EML5: variants seen among roughly 807,000 people sequenced by gnomAD.
EML5 encodes the protein echinoderm microtubule-associated protein-like 5.
A neutral mutation model predicts 250.0 loss-of-function variants in EML5; 120 were observed. The ratio of observed to expected loss-of-function variants is 0.48; its 90% confidence interval spans 0.41 to 0.56. EML5 has a LOEUF of 0.56. Among genes scored for constraint, EML5 ranks in the 20% least tolerant of loss-of-function variants. The pLI is 0.00. For synonymous variants in EML5, 771 were observed against 806.5 expected (o/e 0.96, Z 0.75); for missense variants, 2,006 against 2,437.6 (o/e 0.82, Z 3.73).
intron 17 of EML5, among the ~76,000 whole-genome samples, 154 bp downstream of exon 17, chr14:88,694,153 C>T (rs1294857625): frequency 1.3e-5 from 2 of 152,094 alleles, no homozygotes. Context: ...ATTAAATGAA[C>T]TCAAGACTTC....
intron 28 of EML5, among the ~76,000 whole-genome samples, chr14:88,648,823 G>A (rs576706498): frequency 6.6e-6 from 1 of 152,174 alleles, no homozygotes; most frequent in East Asian, 1.9e-4. Flanking sequence ...TGGTAAAATA[G>A]TATAAGATTT....
In EML5 at chr14:88,740,515, C is replaced by T; in HGVS notation, c.583G>A (p.Gly195Ser). The T allele has an allele frequency of 6.2e-7, 1 of 1,613,586 alleles. No individual in the cohort carries two copies. ...AGGCACAGTATTGTCTGAAGGTCAC[C>T]CGTCTTACCAAAGACACCTCGTTTT... ...TPKRGVFGKTGDLQTILCLAC... is the reference protein window; with the variant it reads ...TPKRGVFGKTSDLQTILCLAC... Residue 195 changes from glycine (G) to serine (S), a missense_variant, in exon 5 of 44, where the codon GGT (glycine) becomes AGT (serine). This residue lies in a region of EML5 where 1,375 missense variants were observed against 1,590.3 expected (regional missense o/e 0.86). Coordinates refer to ENST00000554922, the MANE Select transcript of EML5 (RefSeq NM_183387.3).
chr14:88,719,316 T>C (rs1019508556), intron 8 of EML5, among the ~76,000 whole-genome samples: 6 of 145,804 alleles, frequency 4.1e-5, no homozygotes, highest in African/African-American at 1.5e-4. Context: ...AGCCCAGGAG[T>C]TCGAGGCTGC....
At chr14:88,641,357 CACAAAACATCATTCCCAT>C (rs1263797961) in intron 31 of EML5, among the ~76,000 whole-genome samples, 2 of 152,010 alleles carry the variant, frequency 1.3e-5, no homozygotes, top group Non-Finnish European at 2.9e-5. Context: ...AAACATCCCA[CACAAAACATCATTCCCAT>C]ACAAAACATC....
intron 2 of EML5, among the ~76,000 whole-genome samples, chr14:88,746,556 C>T (rs1595756573): frequency 1.3e-5 from 2 of 151,968 alleles, no homozygotes; most frequent in South Asian, 4.1e-4. Context: ...CTACCAAAAA[C>T]TAAAAATACT....
chr14:88,644,646 G>A, intron 29 of EML5, 135 bp from the exon 30 acceptor site: 1 of 622,620 alleles, frequency 1.6e-6, no homozygotes, highest in Non-Finnish European at 2.8e-6. Flanking sequence ...CCACTAGACT[G>A]CCCTCTTCAT....
chr14:88,685,471 TAATTC>T lies in EML5; in HGVS notation c.2855-334_2855-330del, dbSNP rs548026806. On this transcript the variant is annotated intron_variant, in intron 19 of 43. Coordinates refer to ENST00000554922, the MANE Select transcript of EML5 (RefSeq NM_183387.3). ...TTTACAATATTCTTATTAGTAATTT[TAATTC>T]AATTCAAGATATATAGTCAGCCCTC... 6.0e-4 allele frequency among the ~76,000 whole-genome samples: 92 copies of T among 152,342 alleles called. 1 individual carries two copies. The East Asian group carries it at 0.016, about 26-fold the overall frequency.
Position 88,663,076 on chromosome 14 carries a change from G to T in EML5, c.3453C>A (p.Phe1151Leu). Residue 1151 changes from phenylalanine (F) to leucine (L), a missense_variant, in exon 24 of 44, where the codon TTC becomes TTA. Phe to Leu is a conservative substitution (Grantham distance 22). Transcript: ENST00000554922. ...QVNTGAKEQL[F>L]FEAPRGKKQT... ...GTTTTTTCCCTCTGGGAGCTTCAAAGAATAATTGTTCCTTAGCACCAGTGT... is the reference window on the plus strand; with the variant it reads ...GTTTTTTCCCTCTGGGAGCTTCAAATAATAATTGTTCCTTAGCACCAGTGT... 2.6e-6 allele frequency: 4 copies of T among 1,553,890 alleles called. No homozygotes were observed. The highest frequency in any genetic ancestry group is 1.7e-6 in the Non-Finnish European group (2 of 1,147,954).
chr14:88,732,306 C>T (rs192519797), intron 7 of EML5, among the ~76,000 whole-genome samples: 1 of 152,116 alleles, frequency 6.6e-6, no homozygotes, highest in African/African-American at 2.4e-5. Context: ...TTCCCAGCAC[C>T]ATTTATTAAA....
chr14:88,728,157 A>G (rs1011266303), intron 7 of EML5, among the ~76,000 whole-genome samples: 7 of 152,044 alleles, frequency 4.6e-5, no homozygotes, highest in African/African-American at 1.4e-4. Context: ...AGGAAAATGT[A>G]GTTAGGCCTA....
chr14:88,726,598 T>C lies in EML5; in HGVS notation c.1130A>G (p.Asp377Gly), dbSNP rs1436513025. ...CATTCCAAGGGCAAGATGGATTCCA[T>C]CTGCATTGACAGCTGCACAACGAAT... Reference protein sequence around the residue: ...EPIRCAAVNADGIHLALGMKD... With the variant: ...EPIRCAAVNAGGIHLALGMKD... Residue 377 changes from aspartate (D) to glycine (G), a missense_variant, in exon 8 of 44, where the codon GAT becomes GGT. Coordinates refer to ENST00000554922, the MANE Select transcript of EML5 (RefSeq NM_183387.3). The C allele has an allele frequency of 1.9e-6, 3 of 1,596,266 alleles. No homozygotes were observed. The highest frequency in any genetic ancestry group is 3.4e-5 in the Admixed American group (2 of 58,002).
Position 88,678,392 on chromosome 14 carries a change from C to T in EML5, c.3124+3498G>A, listed in dbSNP as rs1381261291. On this transcript the variant is annotated intron_variant, in intron 21 of 43. Coordinates refer to ENST00000554922, the MANE Select transcript of EML5 (RefSeq NM_183387.3). Reference sequence around the variant, plus strand: ...CAACAAGCCATCATGGCACACGTTTCCCTATGTGACAAACCTGCACATCCT... The same window carrying T: ...CAACAAGCCATCATGGCACACGTTTTCCTATGTGACAAACCTGCACATCCT... Among the ~76,000 whole-genome samples, 17 of 152,022 alleles carry T rather than the reference C, an allele frequency of 1.1e-4. 1 individual carries two copies. The highest frequency in any genetic ancestry group is 1.1e-3 in the Admixed American group (17 of 15,266).
chr14:88,624,698 C>T (rs1463414912), intron 36 of EML5: 4 of 381,270 alleles, frequency 1.0e-5, no homozygotes. Flanking sequence ...CACAGGCATA[C>T]AGACATTAAG....
chr14:88,659,638 T>C (rs1242525758), intron 25 of EML5, among the ~76,000 whole-genome samples: 4 of 151,466 alleles, frequency 2.6e-5, no homozygotes, highest in Admixed American at 6.6e-5. Context: ...TGCAGATCAA[T>C]ATTCCAGAAC....
In EML5 at chr14:88,688,370, T is replaced by C; in HGVS notation, c.2643A>G (p.Gly881=). ...YGWTEEMAFS[G]TSTGDVCIWR... ...AGATACACACATCTCCTGTGGATGT[T>C]CCAGAAAAAGCCATCTCTTCAGTCC... is the stretch of plus-strand genomic sequence containing the variant. The change falls in exon 18 of 44, where the codon GGA becomes GGG. Residue 881 remains glycine, a synonymous_variant. Coordinates refer to ENST00000554922, the MANE Select transcript of EML5 (RefSeq NM_183387.3). 1 of 1,614,016 alleles carries C rather than the reference T, an allele frequency of 6.2e-7. No individual in the cohort carries two copies.
intron 31 of EML5, among the ~76,000 whole-genome samples, chr14:88,642,599 C>T (rs937179475): frequency 1.2e-4 from 19 of 152,114 alleles, no homozygotes; most frequent in African/African-American, 2.9e-4. Flanking sequence ...AAGTTACAAA[C>T]GGTTTCAACA....
At position 88,726,598 on chromosome 14, in the gene EML5, T is replaced by A; in HGVS notation, c.1130A>T (p.Asp377Val). ...CATTCCAAGGGCAAGATGGATTCCATCTGCATTGACAGCTGCACAACGAAT... is the reference window on the plus strand; with the variant it reads ...CATTCCAAGGGCAAGATGGATTCCAACTGCATTGACAGCTGCACAACGAAT... ...EPIRCAAVNA[D>V]GIHLALGMKD... Residue 377 changes from aspartate to valine, a missense_variant, in exon 8 of 44, where the codon GAT (aspartate) becomes GTT (valine). Asp to Val is a radical substitution (Grantham distance 152). Around this residue, in one of 7 missense-constraint regions of EML5, gnomAD observed 1,375 missense variants for 1,590.3 expected, o/e 0.86. Transcript: ENST00000554922. 3 of 1,596,266 alleles carry A rather than the reference T, an allele frequency of 1.9e-6. No individual in the cohort carries two copies. Among genetic ancestry groups the A allele is most frequent in the Non-Finnish European group, 2.6e-6 (3 of 1,170,222 alleles).
In EML5 at chr14:88,615,230, T is replaced by C. The variant is rs1051957405; in HGVS notation, c.*588A>G. The C allele has an allele frequency of 5.3e-5, 8 of 152,230 alleles. No individual in the cohort carries two copies. The highest frequency in any genetic ancestry group is 3.3e-4 in the Admixed American group (5 of 15,278). 9.4% of individuals were successfully genotyped at this position (152,230 alleles called of 1,614,324 possible). A position where few individuals can be genotyped will look rare whatever the true frequency, so the allele number is the denominator to read the frequency against. On this transcript the variant is annotated 3_prime_UTR_variant, in exon 44 of 44. Transcript: ENST00000554922. ...GAATTCAAAACTACTAGGAGAAAAG[T>C]GTCCTTTATAAAAAAGGACCTTATT...
chr14:88,731,851 G>C (rs1376244607), intron 7 of EML5, among the ~76,000 whole-genome samples: 1 of 152,128 alleles, frequency 6.6e-6, no homozygotes, highest in Non-Finnish European at 1.5e-5. Flanking sequence ...GTGTCTGTTG[G>C]CTGCATAAAT....
Sources: gnomAD v4.1 joint callset for allele counts (sites outside exome capture counted in the v4.1 genomes callset) on GRCh38, gnomAD v4.1.1 for gene constraint, gnomAD v4.1.1 regional missense constraint, MANE v1.5 for transcripts, NCBI Gene and HGNC (gene_info 2026-07-23, HGNC 2026-07-21) for gene names.